Variants in CCSER1 observed in about 807,000 individuals in gnomAD.
The protein encoded by CCSER1 is coiled-coil serine rich protein 1, also known as serine-rich coiled-coil domain-containing protein 1.
Under a neutral mutation model 82.0 loss-of-function variants are expected in CCSER1, and 41 were observed. The observed-to-expected ratio is 0.50, with a 90% CI of 0.39 to 0.65. The LOEUF (loss-of-function observed/expected upper bound fraction) is 0.65, where lower values mean the gene tolerates loss of function less well. CCSER1 is among the 30% of genes least tolerant of loss of function. The pLI, the probability that CCSER1 is intolerant of heterozygous loss-of-function variation, is 0.00. For missense variants in CCSER1, 1,119 were observed against 1,064.2 expected, an observed-to-expected ratio of 1.05 and a Z score of -0.72; for synonymous variants, 414 against 383.9, an observed-to-expected ratio of 1.08 and a Z score of -0.92.
At chr4:90,477,686 G>T (rs962577624) in intron 5 of CCSER1, among the ~76,000 whole-genome samples, 18 of 146,810 alleles carry the variant, frequency 1.2e-4, no homozygotes, top group East Asian at 2.0e-4. Flanking sequence ...ATGTTTCCTG[G>T]TTTTTTTTTT....
At chr4:90,393,713 G>A (rs1198247562) in intron 3 of CCSER1, among the ~76,000 whole-genome samples, 1 of 150,390 alleles carries the variant, frequency 6.6e-6, no homozygotes, top group Non-Finnish European at 1.5e-5. Flanking sequence ...TATTAATAAA[G>A]AGATTCATGA....
At chr4:90,278,412 A>T (rs1443856111) in intron 1 of CCSER1, among the ~76,000 whole-genome samples, 2 of 152,034 alleles carry the variant, frequency 1.3e-5, no homozygotes, top group African/African-American at 2.4e-5. Context: ...AATACAAAAA[A>T]CATAGAATCA....
intron 5 of CCSER1, 136 bp from the exon 6 acceptor site, chr4:90,627,889 A>G: frequency 2.9e-6 from 2 of 683,924 alleles, no homozygotes; most frequent in East Asian, 2.7e-5. Flanking sequence ...AAATAAATAA[A>G]TAAATAAACT....
chr4:90,341,784 A>G (rs1741424597), intron 3 of CCSER1, among the ~76,000 whole-genome samples: 1 of 152,144 alleles, frequency 6.6e-6, no homozygotes, highest in East Asian at 1.9e-4. Flanking sequence ...TATGGAAATT[A>G]TTTATTCTGA....
In CCSER1 at chr4:90,416,979, A is replaced by T. The variant is rs563362967; in HGVS notation, c.1603+16850A>T. 4.5e-4 allele frequency among the ~76,000 whole-genome samples: 69 copies of T among 152,300 alleles called. 1 individual carries two copies. In the South Asian group the frequency reaches 0.014, roughly 31 times the overall value. ...AACCAAACACCACATGTTCTCACTTATAAGTGGGAGCTGAACAATGAGAAC... is the reference window on the plus strand; with the variant it reads ...AACCAAACACCACATGTTCTCACTTTTAAGTGGGAGCTGAACAATGAGAAC... On this transcript the variant is annotated intron_variant, in intron 4 of 10. Transcript: ENST00000509176.
At position 91,399,613 on chromosome 4, in the gene CCSER1, A is replaced by G. The variant is rs1396185016; in HGVS notation, c.2218-198959A>G. ...AGTTTTAGCTTGCTTTGACCTGCTA[A>G]GTCAGTTAACATGTACTCATCAGCT... On this transcript the variant is annotated intron_variant, in intron 10 of 10. Transcript: ENST00000509176. Among the ~76,000 whole-genome samples the G allele has an allele frequency of 2.6e-5, 4 of 152,034 alleles. No individual in the cohort carries two copies. The East Asian group carries it at 5.8e-4, about 22-fold the overall frequency.
At chr4:91,549,332 T>G (rs993342639) in intron 10 of CCSER1, among the ~76,000 whole-genome samples, 1 of 152,204 alleles carries the variant, frequency 6.6e-6, no homozygotes, top group Non-Finnish European at 1.5e-5. Context: ...TATTTGTAAT[T>G]TTAACATTTC....
intron 5 of CCSER1, among the ~76,000 whole-genome samples, chr4:90,624,163 G>A (rs943665644): frequency 6.6e-6 from 1 of 152,282 alleles, no homozygotes; most frequent in East Asian, 1.9e-4. Context: ...ATTATAAAGT[G>A]TAAATCATTG....
intron 1 of CCSER1, among the ~76,000 whole-genome samples, chr4:90,234,724 T>C (rs1377487428): frequency 1.3e-5 from 2 of 152,170 alleles, no homozygotes; most frequent in East Asian, 3.9e-4. Context: ...ATCACAATCA[T>C]ATTAGATGGG....
Position 91,568,640 on chromosome 4 carries a change from TA to T in CCSER1, c.2218-29930del, listed in dbSNP as rs370048660. Among the ~76,000 whole-genome samples the T allele has an allele frequency of 1.8e-3, 271 of 152,312 alleles. 4 individuals are homozygous for T. Among genetic ancestry groups the T allele is most frequent in the African/African-American group, 6.3e-3 (260 of 41,580 alleles). On this transcript the variant is annotated intron_variant, in intron 10 of 10. Coordinates refer to ENST00000509176, the MANE Select transcript of CCSER1 (RefSeq NM_001145065.2). ...TCCTCAGCTTAGTTTATTCTGCTGT[TA>T]ATACTTGGGATTGCATTGTGAAATT...
intron 8 of CCSER1, among the ~76,000 whole-genome samples, chr4:90,825,731 CTT>C (rs747896341): frequency 6.4e-5 from 8 of 124,292 alleles, no homozygotes; most frequent in Admixed American, 8.4e-5. Context: ...TTTGTTGTTG[CTT>C]TTTTTTTTTT....
intron 8 of CCSER1, among the ~76,000 whole-genome samples, chr4:90,917,482 G>A (rs1051907327): frequency 6.6e-6 from 1 of 152,148 alleles, no homozygotes; most frequent in Non-Finnish European, 1.5e-5. Flanking sequence ...CTTGGACCCA[G>A]GAAGGGGACA....
At chr4:91,417,877 C>T (rs1753459809) in intron 10 of CCSER1, among the ~76,000 whole-genome samples, 1 of 151,800 alleles carries the variant, frequency 6.6e-6, no homozygotes, top group Non-Finnish European at 1.5e-5. Flanking sequence ...AAAAAATATT[C>T]TCTAGGATAG....
At chr4:91,286,256 T>A (rs914444443) in intron 10 of CCSER1, among the ~76,000 whole-genome samples, 17 of 151,940 alleles carry the variant, frequency 1.1e-4, no homozygotes, top group African/African-American at 3.1e-4. Flanking sequence ...GTATAGCTTT[T>A]AATTAACAGG....
At chr4:91,285,364 T>G (rs1478730765) in intron 10 of CCSER1, among the ~76,000 whole-genome samples, 1 of 151,610 alleles carries the variant, frequency 6.6e-6, no homozygotes, top group Non-Finnish European at 1.5e-5. Flanking sequence ...ATATTTTTAC[T>G]AGAGATTTGG....
intron 5 of CCSER1, among the ~76,000 whole-genome samples, chr4:90,548,519 G>C (rs1448582874): frequency 6.6e-6 from 1 of 152,070 alleles, no homozygotes; most frequent in Non-Finnish European, 1.5e-5. Context: ...AGGGTGGCTA[G>C]AGAACAGATA....
intron 6 of CCSER1, among the ~76,000 whole-genome samples, chr4:90,631,295 A>T (rs556471848): frequency 3.3e-5 from 5 of 152,098 alleles, no homozygotes; most frequent in African/African-American, 1.2e-4. Context: ...CTTTTATTTG[A>T]GATTTTTGGT....
Position 90,684,360 on chromosome 4 carries a change from A to G in CCSER1, c.1933-39554A>G, listed in dbSNP as rs143638056. ...CCATATCTTCTGAGGATCAAATGGC[A>G]TAACTAGTATAGTGTCTGCCATATT... On this transcript the variant is annotated intron_variant, in intron 6 of 10. Coordinates refer to ENST00000509176, the MANE Select transcript of CCSER1 (RefSeq NM_001145065.2). 6.0e-4 allele frequency among the ~76,000 whole-genome samples: 91 copies of G among 152,316 alleles called. 1 individual carries two copies. In the East Asian group the frequency reaches 0.014, roughly 24 times the overall value.
intron 9 of CCSER1, among the ~76,000 whole-genome samples, chr4:90,950,121 C>A (rs571044468): frequency 6.6e-6 from 1 of 152,074 alleles, no homozygotes; most frequent in Non-Finnish European, 1.5e-5. Context: ...CAAGAAGAAC[C>A]ACAGTTAGCT....
Sources: gnomAD v4.1 joint callset for allele counts (sites outside exome capture counted in the v4.1 genomes callset) on GRCh38, gnomAD v4.1.1 for gene constraint, MANE v1.5 for transcripts, NCBI Gene and HGNC (gene_info 2026-07-23, HGNC 2026-07-21) for gene names.